Variants in BABAM2 observed in about 807,000 individuals in gnomAD.
The protein encoded by BABAM2 is BRISC and BRCA1-A complex member 2.
A neutral mutation model predicts 54.7 loss-of-function variants in BABAM2; 31 were observed. The observed-to-expected ratio is 0.57, with a 90% confidence interval of 0.43 to 0.77. The LOEUF (loss-of-function observed/expected upper bound fraction) is 0.77. Ranked by LOEUF, BABAM2 falls within the 30% of genes least tolerant of loss-of-function variation. The pLI is 0.00. For missense variants in BABAM2, 364 were observed against 455.8 expected (o/e 0.80, Z 1.83); for synonymous variants, 167 against 162.9 (o/e 1.03, Z -0.19).
rs561615284 is a variant in BABAM2, at chr2:28,165,637, G to C, written c.680+36257G>C. On this transcript the variant is annotated intron_variant, in intron 7 of 11. Transcript: ENST00000379624. ...GCAACCTCCGCTTCCTGGGTTCAAG[G>C]GATTCTCCTGCCTCAGCCTCCTGAG... is the stretch of plus-strand genomic sequence containing the variant. Among the ~76,000 whole-genome samples the C allele has an allele frequency of 4.7e-3, 699 of 149,724 alleles. 3 individuals carry two copies. Among genetic ancestry groups the C allele is most frequent in the Non-Finnish European group, 7.8e-3 (527 of 67,576 alleles).
At chr2:28,017,658 T>C (rs10180107) in intron 4 of BABAM2, among the ~76,000 whole-genome samples, 111,364 of 152,096 alleles carry the variant, frequency 0.73, 41,873 homozygotes, top group Middle Eastern at 0.89. Flanking sequence ...AAACTGTGTA[T>C]GCATTAGCAG....
intron 7 of BABAM2, among the ~76,000 whole-genome samples, chr2:28,236,789 G>A (rs978581702): frequency 4.6e-5 from 7 of 152,152 alleles, no homozygotes; most frequent in Non-Finnish European, 1.0e-4. Flanking sequence ...GATAATGGCC[G>A]ATAAGCTGTA....
chr2:28,254,553 G>A lies in BABAM2; in HGVS notation c.934+9691G>A, dbSNP rs145635672. Among the ~76,000 whole-genome samples, 954 of 151,508 alleles carry A rather than the reference G, an allele frequency of 6.3e-3. 20 individuals carry two copies. Among genetic ancestry groups the A allele is most frequent in the African/African-American group, 0.022 (900 of 41,238 alleles). On this transcript the variant is annotated intron_variant, in intron 10 of 11. Transcript: ENST00000379624. ...ATTATTGTAGAAATTTCAAGCAAAC[G>A]TGAAAGTAGAAAGAAAAATATAGTG...
chr2:28,298,631 C>A (rs1427247075), intron 11 of BABAM2, 140 bp downstream of exon 11: 11 of 1,043,964 alleles, frequency 1.1e-5, no homozygotes, highest in Admixed American at 2.8e-5. Flanking sequence ...CACAGCAACA[C>A]CCATTTCTTT....
At chr2:28,279,345 G>A (rs187116586) in intron 10 of BABAM2, among the ~76,000 whole-genome samples, 3 of 152,284 alleles carry the variant, frequency 2.0e-5, no homozygotes, top group African/African-American at 7.2e-5. Context: ...GCAAAGCAGG[G>A]CCATCCATCT....
chr2:27,938,170 T>C (rs1668624515), intron 3 of BABAM2, among the ~76,000 whole-genome samples: 1 of 152,180 alleles, frequency 6.6e-6, no homozygotes, highest in South Asian at 2.1e-4. Context: ...TTAAATCTAT[T>C]GTATACAAGA....
At chr2:27,941,970 A>G (rs917509352) in intron 3 of BABAM2, among the ~76,000 whole-genome samples, 2 of 152,202 alleles carry the variant, frequency 1.3e-5, no homozygotes, top group Admixed American at 6.5e-5. Flanking sequence ...ACTTTAATGA[A>G]TCTACCTGAA....
intron 3 of BABAM2, among the ~76,000 whole-genome samples, chr2:27,956,893 G>A (rs1670130580): frequency 6.6e-6 from 1 of 152,102 alleles, no homozygotes; most frequent in Admixed American, 6.5e-5. Context: ...TACATTGGAA[G>A]CAAAAGATAA....
chr2:28,074,435 C>A (rs932028827), intron 6 of BABAM2, among the ~76,000 whole-genome samples: 1 of 152,046 alleles, frequency 6.6e-6, no homozygotes, highest in Non-Finnish European at 1.5e-5. Context: ...CAAAATTACC[C>A]CTGGTTGAAA....
At chr2:28,311,307 C>A (rs1176668848) in intron 11 of BABAM2, among the ~76,000 whole-genome samples, 1 of 151,600 alleles carries the variant, frequency 6.6e-6, no homozygotes, top group African/African-American at 2.4e-5. Context: ...AGCTTGGGTT[C>A]CAATTACCCC....
upstream of BABAM2, chr2:27,890,597 G>A (rs996811507): frequency 4.2e-6 from 2 of 471,518 alleles, no homozygotes; most frequent in African/African-American, 4.0e-5. This position sits in a 1 kb window ranked among gnomAD's most constrained non-coding sequence, Gnocchi z 4.8. Flanking sequence ...CGTCACTCAC[G>A]GGGCAGGCGC....
At chr2:28,033,571 T>C (rs918649766) in intron 5 of BABAM2, among the ~76,000 whole-genome samples, 1 of 152,112 alleles carries the variant, frequency 6.6e-6, no homozygotes. Context: ...TCCCCTCTTA[T>C]GATAACCCAT....
At chr2:28,071,001 C>T (rs1292634518) in intron 6 of BABAM2, among the ~76,000 whole-genome samples, 1 of 152,074 alleles carries the variant, frequency 6.6e-6, no homozygotes, top group Non-Finnish European at 1.5e-5. Context: ...ACGCCCCCGC[C>T]CCCAGCCTCA....
At chr2:27,918,750 G>A (rs895385247) in intron 2 of BABAM2, among the ~76,000 whole-genome samples, 2 of 151,982 alleles carry the variant, frequency 1.3e-5, no homozygotes, top group Admixed American at 6.6e-5. Context: ...GAGCAGTGAT[G>A]TGATGATGGC....
intron 2 of BABAM2, chr2:27,897,315 T>TTAAC (rs1291428295): frequency 6.6e-6 from 1 of 152,232 alleles, no homozygotes; most frequent in Non-Finnish European, 1.5e-5. Context: ...GAATACTGAG[T>TTAAC]TAACGTTCTT....
At chr2:28,284,073 TG>T (rs1404300614) in intron 10 of BABAM2, among the ~76,000 whole-genome samples, 1 of 152,206 alleles carries the variant, frequency 6.6e-6, no homozygotes, top group African/African-American at 2.4e-5. Flanking sequence ...GTCAAGGGCT[TG>T]CCTCAACATG....
intron 5 of BABAM2, among the ~76,000 whole-genome samples, chr2:28,043,242 T>A (rs1230514493): frequency 6.6e-6 from 1 of 150,616 alleles, no homozygotes; most frequent in Non-Finnish European, 1.5e-5. Flanking sequence ...GGGATTCTCA[T>A]GCCTCAGCCG....
Position 28,036,133 on chromosome 2 carries a change from G to A in BABAM2, c.496-9592G>A, listed in dbSNP as rs114601223. 3.6e-3 allele frequency among the ~76,000 whole-genome samples: 549 copies of A among 152,256 alleles called. 3 individuals are homozygous for A. The highest frequency in any genetic ancestry group is 5.4e-3 in the Non-Finnish European group (369 of 68,014). Reference sequence around the variant, plus strand: ...CCATCTCTTTGGTGGCCATTTAGATGTAGGGTGCACTCCTTGCACAGTGTT... The same window carrying A: ...CCATCTCTTTGGTGGCCATTTAGATATAGGGTGCACTCCTTGCACAGTGTT... On this transcript the variant is annotated intron_variant, in intron 5 of 11. Coordinates refer to ENST00000379624, the MANE Select transcript of BABAM2 (RefSeq NM_199191.3).
intron 3 of BABAM2, among the ~76,000 whole-genome samples, chr2:27,964,153 T>C (rs1481123716): frequency 2.6e-5 from 4 of 152,158 alleles, no homozygotes; most frequent in African/African-American, 9.7e-5. Flanking sequence ...TGGGTTGTTA[T>C]AAAATGAACC....
Sources: allele counts gnomAD v4.1 joint callset (sites outside exome capture counted in the v4.1 genomes callset), GRCh38; gene constraint gnomAD v4.1.1; non-coding constraint Gnocchi (gnomAD v3.1); transcripts MANE v1.5; gene names NCBI Gene and HGNC (gene_info 2026-07-23, HGNC 2026-07-21).